Variants in BMPR1A observed in about 807,000 individuals in gnomAD.
BMPR1A encodes bone morphogenetic protein receptor type-1A.
BMPR1A carries 7 observed loss-of-function variants against 66.0 expected under a neutral mutation model. That is an observed-to-expected ratio of 0.11 (90% CI 0.06 to 0.20). The LOEUF (loss-of-function observed/expected upper bound fraction) is 0.20, where lower values mean the gene tolerates loss of function less well. Among genes scored for constraint, BMPR1A ranks in the 10% least tolerant of loss-of-function variants. The probability of loss-of-function intolerance (pLI) is 1.00; values close to 1 mark genes in which losing one functional copy is unlikely to be tolerated. For missense variants in BMPR1A, 408 were observed against 669.1 expected, an observed-to-expected ratio of 0.61 and a Z score of 4.31; for synonymous variants, 200 against 229.7, an observed-to-expected ratio of 0.87 and a Z score of 1.17.
chr10:86,850,105 G>A (rs1328363973), intron 2 of BMPR1A, among the ~76,000 whole-genome samples: 1 of 152,076 alleles, frequency 6.6e-6, no homozygotes, highest in East Asian at 1.9e-4. Context: ...TGGATCACTT[G>A]AGGTCAGGAG....
At chr10:86,870,144 G>A (rs909050058) in intron 2 of BMPR1A, among the ~76,000 whole-genome samples, 11 of 152,124 alleles carry the variant, frequency 7.2e-5, no homozygotes, top group African/African-American at 2.7e-4. Context: ...CTCTTGGAAG[G>A]CCATCTCCAG....
In BMPR1A at chr10:86,923,419, G is replaced by T. The variant is rs751815388; in HGVS notation, c.1386G>T (p.Pro462=). 6.2e-7 allele frequency: 1 copy of T among 1,614,162 alleles called. No individual in the cohort carries two copies. The highest frequency in any genetic ancestry group is 8.5e-7 in the Non-Finnish European group (1 of 1,180,034). The change falls in exon 12 of 13, where the codon CCG becomes CCT. Residue 462 remains proline, a synonymous_variant. Transcript: ENST00000372037. ...EYQLPYYNMV[P]SDPSYEDMRE... ...AATTGCCATATTACAACATGGTACC[G>T]AGTGATCCGTCATACGAAGATATGC...
In BMPR1A at chr10:86,858,997, G is replaced by T. The variant is rs1842679608; in HGVS notation, c.-152-16870G>T. Among the ~76,000 whole-genome samples the T allele has an allele frequency of 2.0e-5, 3 of 152,174 alleles. No individual in the cohort carries two copies. The South Asian group carries it at 6.2e-4, about 32-fold the overall frequency. Reference sequence around the variant, plus strand: ...CTGAGCCAAAAGGACAAAGCTAGAGGCATCACACTACCAGACTTCAAGATA... The same window carrying T: ...CTGAGCCAAAAGGACAAAGCTAGAGTCATCACACTACCAGACTTCAAGATA... On this transcript the variant is annotated intron_variant, in intron 2 of 12. Coordinates refer to ENST00000372037, the MANE Select transcript of BMPR1A (RefSeq NM_004329.3).
In BMPR1A at chr10:86,927,224, A is replaced by G. The variant is rs2133657438; in HGVS notation, c.*3505A>G. The G allele has an allele frequency of 5.3e-6, 1 of 190,082 alleles. No individual in the cohort carries two copies. Among genetic ancestry groups the G allele is most frequent in the East Asian group, 8.4e-5 (1 of 11,884 alleles). The allele number at this position is 190,082 out of a possible 1,614,324, so 11.8% of individuals were successfully genotyped here. On this transcript the variant is annotated 3_prime_UTR_variant, in exon 13 of 13. Transcript: ENST00000372037. ...GAATCATGCATCTTTGGGTTGGCCC[A>G]GGATCAAATTTGATATTGAATAATT...
At chr10:86,929,581 G>T (rs1843789866), downstream of BMPR1A, 1 of 152,242 alleles carries the variant, frequency 6.6e-6, no homozygotes, top group Non-Finnish European at 1.5e-5. Flanking sequence ...CGTGTCTGAA[G>T]ATAGCCTCTT....
intron 1 of BMPR1A, among the ~76,000 whole-genome samples, chr10:86,834,038 A>C (rs1262099094): frequency 6.6e-6 from 1 of 152,192 alleles, no homozygotes; most frequent in East Asian, 1.9e-4. Flanking sequence ...AATTGCATGC[A>C]AAAAGGCTGG....
chr10:86,906,680 C>T lies in BMPR1A; in HGVS notation c.531-5560C>T, dbSNP rs1250734925. Among the ~76,000 whole-genome samples, 7 of 34,672 alleles carry T rather than the reference C, an allele frequency of 2.0e-4. 2 individuals are homozygous for T. The highest frequency in any genetic ancestry group is 7.9e-3 in the East Asian group (2 of 252). 22.7% of individuals were successfully genotyped at this position (34,672 alleles called of 152,430 possible). ...CGGAGCTTGCAGTGAGCCGACATCG[C>T]GCCACTGCACTCCAGCCTGGGCGAC... On this transcript the variant is annotated intron_variant, in intron 7 of 12. Transcript: ENST00000372037.
intron 1 of BMPR1A, among the ~76,000 whole-genome samples, chr10:86,829,947 CT>C (rs35567056): frequency 0.074 from 11,295 of 152,128 alleles, 878 homozygotes; most frequent in African/African-American, 0.19. Context: ...TTCAGTGACA[CT>C]TGTTAAAGCA....
chr10:86,792,419 T>C (rs1465185730), intron 1 of BMPR1A, among the ~76,000 whole-genome samples: 2 of 152,214 alleles, frequency 1.3e-5, no homozygotes, highest in South Asian at 2.1e-4. Context: ...TGCTAAAAAT[T>C]ATAATGGTAA....
intron 2 of BMPR1A, among the ~76,000 whole-genome samples, chr10:86,872,022 G>A (rs1293387759): frequency 6.6e-6 from 1 of 152,116 alleles, no homozygotes; most frequent in Non-Finnish European, 1.5e-5. Flanking sequence ...CAGTAAGATG[G>A]TTGTCCTGTT....
intron 1 of BMPR1A, among the ~76,000 whole-genome samples, chr10:86,771,455 T>G (rs1349612653): frequency 6.6e-6 from 1 of 152,234 alleles, no homozygotes; most frequent in African/African-American, 2.4e-5. Context: ...ACAAGTATTC[T>G]ATGATATAGT....
At chr10:86,815,232 C>T (rs1842020092) in intron 1 of BMPR1A, among the ~76,000 whole-genome samples, 1 of 152,210 alleles carries the variant, frequency 6.6e-6, no homozygotes, top group Non-Finnish European at 1.5e-5. Flanking sequence ...AGTTATTTTT[C>T]CGTTATGAAA....
At chr10:86,811,664 CTATTA>C (rs1260071624) in intron 1 of BMPR1A, among the ~76,000 whole-genome samples, 1 of 152,044 alleles carries the variant, frequency 6.6e-6, no homozygotes, top group Non-Finnish European at 1.5e-5. Context: ...AGTCAGTATG[CTATTA>C]TATTAGGAGA....
At position 86,803,667 on chromosome 10, in the gene BMPR1A, G is replaced by T. The variant is rs137985784; in HGVS notation, c.-267-35198G>T. 7.7e-3 allele frequency among the ~76,000 whole-genome samples: 1,174 copies of T among 152,024 alleles called. 11 individuals are homozygous for T. Among genetic ancestry groups the T allele is most frequent in the African/African-American group, 0.027 (1,111 of 41,458 alleles). On this transcript the variant is annotated intron_variant, in intron 1 of 12. Transcript: ENST00000372037. ...TATTTGGATCTACTTTTGGTCTTTT[G>T]TGACCTATCTCTTGACAGTGGAATC...
chr10:86,878,539 C>T (rs1842948008), intron 3 of BMPR1A, among the ~76,000 whole-genome samples: 1 of 152,038 alleles, frequency 6.6e-6, no homozygotes, highest in South Asian at 2.1e-4. Context: ...TTATTTTTAA[C>T]ATAGGTGGTA....
At chr10:86,760,232 C>CTTT (rs1841024648) in intron 1 of BMPR1A, among the ~76,000 whole-genome samples, 1 of 21,078 alleles carries the variant, frequency 4.7e-5, no homozygotes, top group Non-Finnish European at 8.2e-5. Flanking sequence ...TTTTTTCTTT[C>CTTT]TTTCTTTCTT....
At chr10:86,915,690 G>A (rs1027663109) in intron 8 of BMPR1A, among the ~76,000 whole-genome samples, 1 of 152,068 alleles carries the variant, frequency 6.6e-6, no homozygotes, top group Non-Finnish European at 1.5e-5. Context: ...ATTGGCCGCC[G>A]CACTCCAGCC....
At chr10:86,879,010 G>A (rs1039397729) in intron 3 of BMPR1A, among the ~76,000 whole-genome samples, 8 of 152,064 alleles carry the variant, frequency 5.3e-5, no homozygotes, top group Non-Finnish European at 1.0e-4. Flanking sequence ...TGACATTTTG[G>A]GCTAGGTGAT....
chr10:86,787,326 A>T (rs941405164), intron 1 of BMPR1A, among the ~76,000 whole-genome samples: 1 of 152,252 alleles, frequency 6.6e-6, no homozygotes, highest in African/African-American at 2.4e-5. Flanking sequence ...TAAAATTTAC[A>T]TAGTAAAAAG....
Sources: allele counts gnomAD v4.1 joint callset (sites outside exome capture counted in the v4.1 genomes callset), GRCh38; gene constraint gnomAD v4.1.1; transcripts MANE v1.5; gene names NCBI Gene and HGNC (gene_info 2026-07-23, HGNC 2026-07-21).